TANC1: variants seen among roughly 807,000 people sequenced by gnomAD.
TANC1 encodes protein TANC1.
A neutral mutation model predicts 149.7 loss-of-function variants in TANC1; 77 were observed. The ratio of observed to expected loss-of-function variants is 0.51; its 90% confidence interval spans 0.43 to 0.62. The LOEUF is 0.62. Ranked by LOEUF, TANC1 falls within the 20% of genes least tolerant of loss-of-function variation. The probability of loss-of-function intolerance (pLI) is 0.00; values close to 1 mark genes in which losing one functional copy is unlikely to be tolerated. For synonymous variants in TANC1, 854 were observed against 925.0 expected, an observed-to-expected ratio of 0.92 and a Z score of 1.39; for missense variants, 1,985 against 2,321.8, an observed-to-expected ratio of 0.85 and a Z score of 2.98.
At chr2:159,011,322 AC>A (rs1363023758) in intron 2 of TANC1, among the ~76,000 whole-genome samples, 32 of 151,102 alleles carry the variant, frequency 2.1e-4, no homozygotes, top group African/African-American at 7.0e-4. Flanking sequence ...TGGAAGTAAA[AC>A]AACAACAACA....
chr2:159,027,977 A>G lies in TANC1; in HGVS notation c.-16+26788A>G, dbSNP rs77963423. 5.8e-3 allele frequency among the ~76,000 whole-genome samples: 879 copies of G among 152,088 alleles called. 52 individuals carry two copies. In the East Asian group the frequency reaches 0.13, roughly 23 times the overall value. On this transcript the variant is annotated intron_variant, in intron 2 of 26. Transcript: ENST00000263635. The stretch of plus-strand genomic sequence containing the variant: ...TCTCCTCTTTTTTCAAGCCGCCAGT[A>G]CTATCATGGGAGCCCCATCCCGATG...
At chr2:158,983,642 T>A (rs757872835) in intron 1 of TANC1, among the ~76,000 whole-genome samples, 4 of 152,078 alleles carry the variant, frequency 2.6e-5, no homozygotes, top group Non-Finnish European at 5.9e-5. Context: ...ATGTTTTGCT[T>A]GAGTATGGTT....
At chr2:158,998,760 G>C (rs1451819448) in intron 1 of TANC1, among the ~76,000 whole-genome samples, 1 of 152,190 alleles carries the variant, frequency 6.6e-6, no homozygotes, top group East Asian at 1.9e-4. Flanking sequence ...TCAGCTCTGG[G>C]ACAGAACTGA....
At chr2:159,221,469 C>T (rs779947908) in intron 22 of TANC1, among the ~76,000 whole-genome samples, 41 of 152,182 alleles carry the variant, frequency 2.7e-4, no homozygotes, top group Non-Finnish European at 4.4e-4. Flanking sequence ...ACTGAATCTT[C>T]GTACCCTTTG....
intron 22 of TANC1, among the ~76,000 whole-genome samples, chr2:159,220,716 G>T (rs1337126010): frequency 6.6e-6 from 1 of 152,040 alleles, no homozygotes; most frequent in South Asian, 2.1e-4. Flanking sequence ...TCAGCCCCCT[G>T]AGTAGCTGGG....
At chr2:159,021,917 C>T (rs965118809) in intron 2 of TANC1, among the ~76,000 whole-genome samples, 13 of 152,090 alleles carry the variant, frequency 8.5e-5, no homozygotes, top group African/African-American at 3.1e-4. Context: ...ATCTCAGGGA[C>T]ATGTAAAGTC....
At chr2:158,995,876 C>T (rs1274184313) in intron 1 of TANC1, among the ~76,000 whole-genome samples, 9 of 152,164 alleles carry the variant, frequency 5.9e-5, no homozygotes, top group Non-Finnish European at 1.0e-4. Flanking sequence ...GCCAGCCTGC[C>T]GTGCCCTGTG....
chr2:159,050,021 A>T (rs1455919752), intron 2 of TANC1, among the ~76,000 whole-genome samples: 1 of 152,236 alleles, frequency 6.6e-6, no homozygotes, highest in Non-Finnish European at 1.5e-5. Flanking sequence ...AAGAGACCCA[A>T]GAATAGACTG....
At chr2:159,073,920 G>C (rs2043394860) in intron 3 of TANC1, among the ~76,000 whole-genome samples, 1 of 152,206 alleles carries the variant, frequency 6.6e-6, no homozygotes, top group South Asian at 2.1e-4. Flanking sequence ...TTCGTGGCTG[G>C]TGATCCAAAC....
At chr2:159,048,134 G>C (rs2041209043) in intron 2 of TANC1, among the ~76,000 whole-genome samples, 1 of 152,114 alleles carries the variant, frequency 6.6e-6, no homozygotes, top group African/African-American at 2.4e-5. Context: ...AGACCACATG[G>C]GCTGGTGTTG....
chr2:159,184,341 G>C (rs2056776264), intron 14 of TANC1, among the ~76,000 whole-genome samples: 1 of 152,194 alleles, frequency 6.6e-6, no homozygotes, highest in African/African-American at 2.4e-5. Flanking sequence ...CTATGGGCAG[G>C]GTATGCAGGA....
chr2:159,082,814 T>C (rs1410860563), intron 3 of TANC1, among the ~76,000 whole-genome samples: 2 of 152,232 alleles, frequency 1.3e-5, no homozygotes, highest in South Asian at 2.1e-4. Context: ...TTTACAAGAA[T>C]GGGCTCTACT....
chr2:159,179,125 AGC>A lies in TANC1; in HGVS notation c.2473_2474del (p.Ala825ArgfsTer10), dbSNP rs2056180503. 1 of 1,612,936 alleles carries A rather than the reference AGC, an allele frequency of 6.2e-7. No homozygotes were observed. Among genetic ancestry groups the A allele is most frequent in the Admixed American group, 1.7e-5 (1 of 59,864 alleles). On this transcript the variant is annotated frameshift_variant, in exon 14 of 27. Transcript: ENST00000263635. LOFTEE classifies it high-confidence loss of function. ...CCTTCAGGGAGTGGCTTGTATGGAG[AGC>A]AGACGGGGAAAACACGGCCTTCCTG... ...PSFREWLVWR[A>X]DGENTAFLCE...
rs56319016 is a variant in TANC1 at position 159,203,209 on chromosome 2, C to CTTTTTTTTTTTTT, written c.3244+4160_3244+4172dup. 2.0e-5 allele frequency among the ~76,000 whole-genome samples: 2 copies of CTTTTTTTTTTTTT among 101,666 alleles called. 1 individual carries two copies. The allele number at this position is 101,666 out of a possible 152,430, so 66.7% of individuals were successfully genotyped here. Reference sequence around the variant, plus strand: ...ATCTTATTCGATAGGCTTTTCTTTTCTTTTTTTTTTTTTTTTGAGATGGAG... The same window carrying CTTTTTTTTTTTTT: ...ATCTTATTCGATAGGCTTTTCTTTTCTTTTTTTTTTTTTTTTTTTTTTTTTTTTTGAGATGGAG... On this transcript the variant is annotated intron_variant, in intron 19 of 26. Transcript: ENST00000263635.
At chr2:158,970,738 G>A (rs2149151219) in intron 1 of TANC1, among the ~76,000 whole-genome samples, 1 of 152,304 alleles carries the variant, frequency 6.6e-6, no homozygotes, top group African/African-American at 2.4e-5. Flanking sequence ...CCGGACTGTT[G>A]TGATTTGACA....
chr2:159,110,332 T>C (rs1358128528), intron 4 of TANC1, among the ~76,000 whole-genome samples: 1 of 152,244 alleles, frequency 6.6e-6, no homozygotes, highest in Non-Finnish European at 1.5e-5. Context: ...TTGGTATATA[T>C]CCTCTGCAGA....
rs577480707 is a variant in TANC1, at chr2:159,064,337, C to T, written c.-15-1559C>T. Among the ~76,000 whole-genome samples the T allele has an allele frequency of 2.0e-5, 3 of 152,332 alleles. No homozygotes were observed. In the South Asian group the frequency reaches 6.2e-4, roughly 32 times the overall value. ...GCATTTTCAAAAACAGAATTAGGCT[C>T]TAAGCCATGCCCCTTCAGTATGTAA... On this transcript the variant is annotated intron_variant, in intron 2 of 26. Transcript: ENST00000263635.
rs531512395 is a variant in TANC1 at position 158,984,440 on chromosome 2, A to T, written c.-126+15658A>T. On this transcript the variant is annotated intron_variant, in intron 1 of 26. Transcript: ENST00000263635. ...CCAACTCAACAAATAGAATTTCCTT[A>T]TGAGTTTTTTAAAGATAAAAAGTTA... Among the ~76,000 whole-genome samples, 29 of 152,300 alleles carry T rather than the reference A, an allele frequency of 1.9e-4. 1 individual carries two copies. The highest frequency in any genetic ancestry group is 6.7e-4 in the African/African-American group (28 of 41,576).
At chr2:159,043,242 A>T (rs1179739959) in intron 2 of TANC1, among the ~76,000 whole-genome samples, 1 of 152,094 alleles carries the variant, frequency 6.6e-6, no homozygotes, top group African/African-American at 2.4e-5. Flanking sequence ...CTCGTCTCAT[A>T]GGGAAGAGTG....
Sources: gnomAD v4.1 joint callset for allele counts (sites outside exome capture counted in the v4.1 genomes callset) on GRCh38, gnomAD v4.1.1 for gene constraint, MANE v1.5 for transcripts, NCBI Gene and HGNC (gene_info 2026-07-23, HGNC 2026-07-21) for gene names.